The following PTPRT variants were observed in gnomAD, a reference collection of about 807,000 sequenced individuals.
PTPRT encodes the protein receptor-type tyrosine-protein phosphatase T.
In PTPRT, 56 loss-of-function variants were observed where a neutral mutation model predicts 176.8. The ratio of observed to expected loss-of-function variants is 0.32; its 90% confidence interval spans 0.26 to 0.40. The LOEUF is 0.40. Ranked by LOEUF, PTPRT falls within the 10% of genes least tolerant of loss-of-function variation. PTPRT has a pLI of 1.00. For missense variants in PTPRT, 1,540 were observed against 1,908.2 expected (o/e 0.81, Z 3.60); for synonymous variants, 783 against 739.0 (o/e 1.06, Z -0.96).
At chr20:42,109,421 T>TGGGA (rs1986818712) in intron 23 of PTPRT, among the ~76,000 whole-genome samples, 1 of 152,138 alleles carries the variant, frequency 6.6e-6, no homozygotes, top group Non-Finnish European at 1.5e-5. Context: ...CATCTCCATT[T>TGGGA]GGGAGGATTC....
intron 1 of PTPRT, among the ~76,000 whole-genome samples, chr20:42,967,625 G>A (rs969882043): frequency 6.6e-6 from 1 of 152,096 alleles, no homozygotes; most frequent in African/African-American, 2.4e-5. Context: ...CCAAATGGAT[G>A]GTAATTTGTT....
intron 14 of PTPRT, among the ~76,000 whole-genome samples, chr20:42,239,424 T>C (rs1346020757): frequency 7.4e-6 from 1 of 136,004 alleles, no homozygotes; most frequent in Non-Finnish European, 1.6e-5. Context: ...TTTTTTTTTT[T>C]TTTTTTTTTT....
rs554308907 is a variant in PTPRT, at chr20:42,757,052, TAAAAAAAAAAA to T, written c.685-427_685-417del. Among the ~76,000 whole-genome samples, 16 of 118,598 alleles carry T rather than the reference TAAAAAAAAAAA, an allele frequency of 1.3e-4. No individual in the cohort carries two copies. In the South Asian group the frequency reaches 1.7e-3, roughly 13 times the overall value. 77.8% of individuals were successfully genotyped at this position (118,598 alleles called of 152,430 possible). A position where few individuals can be genotyped will look rare whatever the true frequency, so the allele number is the denominator to read the frequency against. ...GTGACAGAGGAAGGCCCTGCCTCTT[TAAAAAAAAAAA>T]AAAAAAAAAAAAAGGGCAGGAGTTT... On this transcript the variant is annotated intron_variant, in intron 5 of 30. Transcript: ENST00000373187.
At chr20:43,117,334 T>C (rs1488553620) in intron 1 of PTPRT, among the ~76,000 whole-genome samples, 3 of 152,190 alleles carry the variant, frequency 2.0e-5, no homozygotes, top group African/African-American at 7.2e-5. Flanking sequence ...AAAGCTGCAT[T>C]TACACACTTC....
intron 7 of PTPRT, among the ~76,000 whole-genome samples, chr20:42,543,666 T>C (rs6102899): frequency 0.14 from 20,893 of 151,658 alleles, 1,656 homozygotes; most frequent in African/African-American, 0.21. Context: ...TTCCCATTTA[T>C]TTTGCCCATA....
chr20:42,575,632 C>A (rs2073245002), intron 7 of PTPRT, among the ~76,000 whole-genome samples: 1 of 152,160 alleles, frequency 6.6e-6, no homozygotes, highest in Non-Finnish European at 1.5e-5. Flanking sequence ...TTTATTGGAA[C>A]ATTCACCCTA....
At chr20:42,419,349 G>C (rs1315495202) in intron 9 of PTPRT, among the ~76,000 whole-genome samples, 1 of 152,166 alleles carries the variant, frequency 6.6e-6, no homozygotes, top group African/African-American at 2.4e-5. Flanking sequence ...CTTTAGCAAA[G>C]AGTGAAGAGG....
At chr20:42,186,933 T>A (rs1004595310) in intron 16 of PTPRT, among the ~76,000 whole-genome samples, 1 of 152,096 alleles carries the variant, frequency 6.6e-6, no homozygotes, top group African/African-American at 2.4e-5. Context: ...GAGAGGAACG[T>A]GTCAAGATTA....
intron 17 of PTPRT, among the ~76,000 whole-genome samples, chr20:42,158,414 A>G (rs1316334214): frequency 6.6e-6 from 1 of 152,226 alleles, no homozygotes; most frequent in Admixed American, 6.5e-5. Context: ...GCAGCTTGCT[A>G]TGGCTGAGAT....
intron 12 of PTPRT, among the ~76,000 whole-genome samples, chr20:42,285,561 T>C (rs940850688): frequency 2.0e-5 from 3 of 151,986 alleles, no homozygotes; most frequent in African/African-American, 7.2e-5. Context: ...TTATATTCAA[T>C]GATGTTGGTT....
At chr20:43,048,864 T>TGA (rs1986940113) in intron 1 of PTPRT, among the ~76,000 whole-genome samples, 1 of 152,088 alleles carries the variant, frequency 6.6e-6, no homozygotes, top group Admixed American at 6.5e-5. Flanking sequence ...ACAGCAGTCT[T>TGA]CCTGCAAGTG....
intron 9 of PTPRT, among the ~76,000 whole-genome samples, chr20:42,358,868 A>T (rs1331794343): frequency 5.9e-5 from 9 of 152,352 alleles, no homozygotes; most frequent in African/African-American, 2.2e-4. Context: ...TGCAGTGCAC[A>T]AACTAAGCAA....
rs1159929852 is a variant in PTPRT at position 43,111,176 on chromosome 20, C to T, written c.88+78470G>A. Among the ~76,000 whole-genome samples, 3 of 152,112 alleles carry T rather than the reference C, an allele frequency of 2.0e-5. No homozygotes were observed. The East Asian group carries it at 5.8e-4, about 29-fold the overall frequency. ...TGAGACCCTCCGTGTAGTCTGGGTA[C>T]AAGGGGGTCCCCACACAAGCTATAG... is the stretch of plus-strand genomic sequence containing the variant. On this transcript the variant is annotated intron_variant, in intron 1 of 30. Transcript: ENST00000373187.
At chr20:42,957,499 T>C (rs764182123) in intron 1 of PTPRT, among the ~76,000 whole-genome samples, 2 of 152,178 alleles carry the variant, frequency 1.3e-5, no homozygotes, top group African/African-American at 2.4e-5. Context: ...CGCCAGAGCA[T>C]ACTTTCTCTC....
At chr20:42,868,344 G>A (rs1031934221) in intron 2 of PTPRT, among the ~76,000 whole-genome samples, 3 of 152,138 alleles carry the variant, frequency 2.0e-5, no homozygotes, top group African/African-American at 7.2e-5. Flanking sequence ...GGAAACTGGA[G>A]GAAAACTCAT....
chr20:43,118,645 G>C (rs969896960), intron 1 of PTPRT, among the ~76,000 whole-genome samples: 1 of 152,066 alleles, frequency 6.6e-6, no homozygotes, highest in African/African-American at 2.4e-5. Flanking sequence ...TCACCGTGTT[G>C]GTCAGGATGG....
rs140732011 is a variant in PTPRT, at chr20:43,101,620, G to T, written c.88+88026C>A. Among the ~76,000 whole-genome samples the T allele has an allele frequency of 9.0e-4, 136 of 151,086 alleles. 2 individuals are homozygous for T. Among genetic ancestry groups the T allele is most frequent in the African/African-American group, 3.3e-3 (132 of 40,508 alleles). The stretch of plus-strand genomic sequence containing the variant: ...AAATATTTTGTCTAATATTTCAAGG[G>T]AAGGTCAGAAGATGGAGTTCACAAT... On this transcript the variant is annotated intron_variant, in intron 1 of 30. Transcript: ENST00000373187.
chr20:42,501,861 C>G (rs1459942809), intron 7 of PTPRT, among the ~76,000 whole-genome samples: 1 of 151,688 alleles, frequency 6.6e-6, no homozygotes, highest in Non-Finnish European at 1.5e-5. Flanking sequence ...GCTAATATGC[C>G]TTCATTTTTT....
intron 1 of PTPRT, among the ~76,000 whole-genome samples, chr20:43,158,427 C>T (rs529639226): frequency 6.6e-6 from 1 of 152,324 alleles, no homozygotes; most frequent in African/African-American, 2.4e-5. Context: ...GGGTTCTGTA[C>T]TGGAGATACA....
Sources: allele counts gnomAD v4.1 joint callset (sites outside exome capture counted in the v4.1 genomes callset), GRCh38; gene constraint gnomAD v4.1.1; transcripts MANE v1.5; gene names NCBI Gene and HGNC (gene_info 2026-07-23, HGNC 2026-07-21).